ACBD6: variants seen among roughly 807,000 people sequenced by gnomAD.
ACBD6 encodes the protein acyl-CoA binding domain containing 6.
In ACBD6, 28 loss-of-function variants were observed where a neutral mutation model predicts 37.2. The ratio of observed to expected loss-of-function variants is 0.75; its 90% CI spans 0.56 to 1.03. ACBD6 has a LOEUF of 1.03. Ranked by LOEUF, ACBD6 falls within the 50% of genes least tolerant of loss-of-function variation. The probability of loss-of-function intolerance (pLI) is 0.00; values close to 1 mark genes in which losing one functional copy is unlikely to be tolerated. For synonymous variants in ACBD6, 113 were observed against 126.8 expected (o/e 0.89, Z 0.73); for missense variants, 340 against 337.4 (o/e 1.01, Z -0.06).
chr1:180,398,654 T>C lies in ACBD6; in HGVS notation c.574-1049A>G, dbSNP rs536212346. 8.5e-5 allele frequency among the ~76,000 whole-genome samples: 13 copies of C among 152,330 alleles called. No individual in the cohort carries two copies. In the South Asian group the frequency reaches 2.7e-3, roughly 32 times the overall value. On this transcript the variant is annotated intron_variant, in intron 5 of 7. Transcript: ENST00000367595. Reference sequence around the variant, plus strand: ...CTCACAGTTACTATTACGTGTGTTATTTCTATTCTCTACTGCCAGAAAATC... The same window carrying C: ...CTCACAGTTACTATTACGTGTGTTACTTCTATTCTCTACTGCCAGAAAATC...
chr1:180,415,249 T>G (rs1016107376), intron 4 of ACBD6, among the ~76,000 whole-genome samples: 3 of 150,776 alleles, frequency 2.0e-5, no homozygotes, highest in Admixed American at 6.6e-5. Flanking sequence ...ATACACAAAT[T>G]AGCCAGGCGT....
Position 180,288,449 on chromosome 1 carries a change from C to G in ACBD6, c.763G>C (p.Asp255His). 6.2e-7 allele frequency: 1 copy of G among 1,613,756 alleles called. No individual in the cohort carries two copies. Among genetic ancestry groups the G allele is most frequent in the Non-Finnish European group, 8.5e-7 (1 of 1,179,974 alleles). The change falls in exon 8 of 8, where the codon GAC becomes CAC. Residue 255 changes from aspartate to histidine, a missense_variant. Physicochemically the swap from Asp to His is moderately conservative, Grantham distance 81. Coordinates refer to ENST00000367595, the MANE Select transcript of ACBD6 (RefSeq NM_032360.4). ...TCCTCTGGCAGGCAGCCATCCTGGTCTCGGAGAGTGGGGTCAGCACCAGAC... is the reference window on the plus strand; with the variant it reads ...TCCTCTGGCAGGCAGCCATCCTGGTGTCGGAGAGTGGGGTCAGCACCAGAC... ...LQSGADPTLR[D>H]QDGCLPEEVT...
chr1:180,393,532 C>T (rs962726044), intron 6 of ACBD6, among the ~76,000 whole-genome samples: 1 of 152,140 alleles, frequency 6.6e-6, no homozygotes, highest in African/African-American at 2.4e-5. Context: ...AACCAATAGG[C>T]CAGTCAATAA....
chr1:180,485,074 C>CAAA (rs61286766), intron 3 of ACBD6, among the ~76,000 whole-genome samples: 1 of 92,164 alleles, frequency 1.1e-5, no homozygotes, highest in Non-Finnish European at 2.3e-5. Context: ...GACTCTGTCT[C>CAAA]AAAAAAAAAA....
intron 6 of ACBD6, among the ~76,000 whole-genome samples, chr1:180,386,069 C>T (rs112360295): frequency 5.9e-5 from 9 of 152,150 alleles, no homozygotes; most frequent in African/African-American, 2.2e-4. Context: ...ACTCTAGAGG[C>T]TGAGGTTGGA....
rs896529253 is a variant in ACBD6, at chr1:180,274,516, C to G, written c.*936+135G>C. On this transcript the variant is annotated intron_variant, in intron 10 of 13. Transcript: ENST00000642319. The stretch of plus-strand genomic sequence containing the variant: ...ACATCTCCACAGGAAGCAGTGTAGG[C>G]TATCCCGACTTTCCAACTAGCCCAG... The G allele has an allele frequency of 6.2e-6, 10 of 1,608,152 alleles. No individual in the cohort carries two copies. In the African/African-American group the frequency reaches 8.0e-5, roughly 13 times the overall value.
chr1:180,390,740 T>C (rs1558279217), intron 6 of ACBD6, among the ~76,000 whole-genome samples: 1 of 152,206 alleles, frequency 6.6e-6, no homozygotes, highest in South Asian at 2.1e-4. Flanking sequence ...GTTGTATTCC[T>C]AGGTATTTTA....
chr1:180,481,242 T>C lies in ACBD6; in HGVS notation c.384+11027A>G, dbSNP rs1651031537. Among the ~76,000 whole-genome samples the C allele has an allele frequency of 4.5e-5, 5 of 111,246 alleles. No homozygotes were observed. In the South Asian group the frequency reaches 1.9e-3, roughly 42 times the overall value. 73.0% of individuals were successfully genotyped at this position (111,246 alleles called of 152,430 possible). On this transcript the variant is annotated intron_variant, in intron 3 of 7. Coordinates refer to ENST00000367595, the MANE Select transcript of ACBD6 (RefSeq NM_032360.4). ...GCTTGGCCCATGAAGGCGCTTGTTTTTGATTTTTTTTTTTTGTGACCCTGG... is the reference window on the plus strand; with the variant it reads ...GCTTGGCCCATGAAGGCGCTTGTTTCTGATTTTTTTTTTTTGTGACCCTGG...
At chr1:180,326,881 T>C (rs1651276284) in intron 6 of ACBD6, among the ~76,000 whole-genome samples, 1 of 152,144 alleles carries the variant, frequency 6.6e-6, no homozygotes, top group Non-Finnish European at 1.5e-5. Context: ...GCTTCAAGAC[T>C]CTGCCCAGTG....
chr1:180,274,661 T>C, exon 10 of ACBD6: 1 of 1,429,992 alleles, frequency 7.0e-7, no homozygotes, highest in Non-Finnish European at 9.3e-7. Flanking sequence ...CTTTTAAGGA[T>C]CGAAAGTACG....
intron 3 of ACBD6, among the ~76,000 whole-genome samples, chr1:180,432,370 A>G (rs1648847953): frequency 6.6e-6 from 1 of 152,190 alleles, no homozygotes; most frequent in Admixed American, 6.5e-5. Context: ...AAAGACTGGT[A>G]TCCAAAATAT....
At chr1:180,501,933 C>T in intron 1 of ACBD6, 112 bp downstream of exon 1, 1 of 937,424 alleles carries the variant, frequency 1.1e-6, no homozygotes, top group Non-Finnish European at 1.7e-6. Context: ...ACAAAATACA[C>T]ATACACAAGC....
intron 13 of ACBD6, chr1:180,272,049 C>G (rs1376360142): frequency 6.4e-7 from 1 of 1,566,368 alleles, no homozygotes; most frequent in African/African-American, 1.4e-5. Flanking sequence ...TTAGGAAAGT[C>G]CCCTGGGAAT....
chr1:180,472,535 G>T (rs985659511), intron 3 of ACBD6, among the ~76,000 whole-genome samples: 1 of 151,970 alleles, frequency 6.6e-6, no homozygotes, highest in Non-Finnish European at 1.5e-5. Flanking sequence ...TGTGTGCGGG[G>T]GTGCGGGTGT....
intron 3 of ACBD6, among the ~76,000 whole-genome samples, chr1:180,460,606 C>T (rs779225756): frequency 3.9e-5 from 6 of 152,192 alleles, no homozygotes; most frequent in African/African-American, 1.2e-4. Flanking sequence ...TCACAGCCTT[C>T]GCTGGTGATA....
intron 3 of ACBD6, among the ~76,000 whole-genome samples, chr1:180,467,414 C>T (rs1330622457): frequency 8.0e-6 from 1 of 124,830 alleles, no homozygotes; most frequent in East Asian, 2.4e-4. Flanking sequence ...GAATTCAAGG[C>T]CAAACTGGGC....
At chr1:180,438,342 T>C (rs1649138647) in intron 3 of ACBD6, 1 of 152,824 alleles carries the variant, frequency 6.5e-6, no homozygotes, top group Non-Finnish European at 1.5e-5. Flanking sequence ...CCTACTCTAT[T>C]TAAGGTACAG....
In ACBD6 at chr1:180,457,495, C is replaced by T. The variant is rs569242461; in HGVS notation, c.385-27233G>A. ...TGTCTCAGTAGGGATCACTAACCTA[C>T]AAGACTAGGAAAAAATTAGATCTCC... On this transcript the variant is annotated intron_variant, in intron 3 of 7. Transcript: ENST00000367595. Among the ~76,000 whole-genome samples the T allele has an allele frequency of 1.3e-4, 19 of 151,672 alleles. No homozygotes were observed. The South Asian group carries it at 3.1e-3, about 25-fold the overall frequency.
intron 6 of ACBD6, among the ~76,000 whole-genome samples, chr1:180,382,271 T>C (rs545942552): frequency 6.6e-6 from 1 of 151,998 alleles, no homozygotes; most frequent in East Asian, 1.9e-4. Flanking sequence ...AAAAGTTGGT[T>C]TTCTGAAAAG....
Sources: allele counts gnomAD v4.1 joint callset (sites outside exome capture counted in the v4.1 genomes callset), GRCh38; gene constraint gnomAD v4.1.1; transcripts MANE v1.5; gene names NCBI Gene and HGNC (gene_info 2026-07-23, HGNC 2026-07-21).